The following STAB2 variants were observed in gnomAD, a reference collection of about 807,000 sequenced individuals.
STAB2 encodes stabilin-2.
In STAB2, 288 loss-of-function variants were observed where a neutral mutation model predicts 338.1. The ratio of observed to expected loss-of-function variants is 0.85; its 90% CI spans 0.77 to 0.94. STAB2 has a LOEUF of 0.94. Ranked by LOEUF, STAB2 falls within the 40% of genes least tolerant of loss-of-function variation. The probability of loss-of-function intolerance (pLI) is 0.00; values close to 1 mark genes in which losing one functional copy is unlikely to be tolerated. For missense variants in STAB2, 3,141 were observed against 3,210.1 expected, an observed-to-expected ratio of 0.98 and a Z score of 0.52; for synonymous variants, 1,202 against 1,193.3, an observed-to-expected ratio of 1.01 and a Z score of -0.15.
At chr12:103,640,790 A>G (rs1380257112) in intron 9 of STAB2, among the ~76,000 whole-genome samples, 1 of 152,160 alleles carries the variant, frequency 6.6e-6, no homozygotes, top group East Asian at 1.9e-4. Flanking sequence ...ATTTGGACTA[A>G]AGATCTAGGT....
At chr12:103,593,920 C>T (rs1956836759) in intron 2 of STAB2, among the ~76,000 whole-genome samples, 1 of 152,210 alleles carries the variant, frequency 6.6e-6, no homozygotes. Flanking sequence ...GGGAAATGTT[C>T]CTTGCTGCAT....
At chr12:103,594,725 C>A (rs1293895160) in intron 3 of STAB2, among the ~76,000 whole-genome samples, 3 of 152,086 alleles carry the variant, frequency 2.0e-5, no homozygotes, top group Admixed American at 6.6e-5. Flanking sequence ...AAAAGAATTC[C>A]CTTATAAGCC....
At chr12:103,587,642 TAA>T in intron 1 of STAB2, 85 bp downstream of exon 1, 1 of 1,114,464 alleles carries the variant, frequency 9.0e-7, no homozygotes, top group Non-Finnish European at 1.3e-6. Flanking sequence ...TTGTTATGGG[TAA>T]AGGGTGAAAT....
chr12:103,615,443 C>T (rs370961099), intron 3 of STAB2, among the ~76,000 whole-genome samples: 2 of 152,160 alleles, frequency 1.3e-5, no homozygotes, highest in African/African-American at 4.8e-5. Flanking sequence ...AAATCACCCA[C>T]AGAGGAAGCC....
intron 61 of STAB2, 33 bp from the exon 62 acceptor site, chr12:103,755,269 A>G (rs1470692427): frequency 1.2e-6 from 2 of 1,606,978 alleles, no homozygotes; most frequent in East Asian, 4.5e-5. Flanking sequence ...ATGAACTTGC[A>G]GCTGACCCAT....
intron 33 of STAB2, among the ~76,000 whole-genome samples, chr12:103,697,993 A>G (rs1340797798): frequency 6.6e-6 from 1 of 152,150 alleles, no homozygotes; most frequent in Non-Finnish European, 1.5e-5. Context: ...TTATGAGCGG[A>G]GAGGGCAGGA....
At chr12:103,707,012 G>A (rs376127120) in intron 38 of STAB2, 25 bp downstream of exon 38, 13 of 1,609,364 alleles carry the variant, frequency 8.1e-6, no homozygotes, top group Non-Finnish European at 1.1e-5. Flanking sequence ...CTCCACAGAG[G>A]ATCTTGGGCT....
Position 103,713,746 on chromosome 12 carries a change from G to A in STAB2, c.4515G>A (p.Thr1505=), listed in dbSNP as rs764027372. 6.8e-6 allele frequency: 11 copies of A among 1,613,922 alleles called. No homozygotes were observed. Among genetic ancestry groups the A allele is most frequent in the African/African-American group, 1.3e-5 (1 of 75,040 alleles). ...RRVCTCKAGY[T]GDGIVCLEIN... is the part of the protein sequence containing the mutation. ...TGTGCACGTGCAAAGCAGGCTACACGGGTGATGGCATTGTGTGCCTGGGTA... is the reference window on the plus strand; with the variant it reads ...TGTGCACGTGCAAAGCAGGCTACACAGGTGATGGCATTGTGTGCCTGGGTA... Residue 1505 remains threonine, a synonymous_variant, in exon 42 of 69, where the codon ACG becomes ACA. Coordinates refer to ENST00000388887, the MANE Select transcript of STAB2 (RefSeq NM_017564.10).
At chr12:103,743,902 G>A (rs1284519272) in intron 56 of STAB2, among the ~76,000 whole-genome samples, 1 of 152,134 alleles carries the variant, frequency 6.6e-6, no homozygotes, top group African/African-American at 2.4e-5. Context: ...GATCTTCTTG[G>A]CCAATGAAAA....
At chr12:103,661,236 A>AAGAG (rs1274925454) in intron 17 of STAB2, among the ~76,000 whole-genome samples, 1 of 138,674 alleles carries the variant, frequency 7.2e-6, no homozygotes, top group African/African-American at 2.6e-5. Flanking sequence ...AAAAAAAAAA[A>AAGAG]AGAGAGAGAG....
At chr12:103,729,070 C>A in intron 48 of STAB2, 75 bp downstream of exon 48, 1 of 1,441,036 alleles carries the variant, frequency 6.9e-7, no homozygotes, top group Non-Finnish European at 9.7e-7. Flanking sequence ...GAGCTGGAGG[C>A]CATCATCCTC....
intron 51 of STAB2, 72 bp from the exon 52 acceptor site, chr12:103,735,419 G>C: frequency 3.5e-6 from 4 of 1,159,188 alleles, no homozygotes; most frequent in Non-Finnish European, 3.6e-6. Flanking sequence ...TGGTTTTTTG[G>C]TAAAGCTCCT....
At chr12:103,612,159 T>G (rs528186541) in intron 3 of STAB2, among the ~76,000 whole-genome samples, 23 of 152,342 alleles carry the variant, frequency 1.5e-4, no homozygotes, top group African/African-American at 5.1e-4. Flanking sequence ...GACAATTATG[T>G]GTCTTGGAGT....
chr12:103,655,392 C>A (rs79734520), intron 14 of STAB2, 64 bp from the exon 15 acceptor site: 31 of 1,601,336 alleles, frequency 1.9e-5, no homozygotes, highest in Admixed American at 1.6e-4. Context: ...AAATTTCTGG[C>A]GAATTATGTT....
chr12:103,710,013 C>T (rs1404076720), intron 39 of STAB2, among the ~76,000 whole-genome samples: 1 of 152,176 alleles, frequency 6.6e-6, no homozygotes, highest in East Asian at 1.9e-4. Flanking sequence ...CATGTCTCCA[C>T]ATCTCTCAAT....
intron 5 of STAB2, among the ~76,000 whole-genome samples, chr12:103,624,977 G>A (rs181067787): frequency 3.3e-5 from 5 of 150,388 alleles, no homozygotes; most frequent in Admixed American, 6.6e-5. Context: ...TTGGTGTCCC[G>A]TGTGTTTTTA....
In STAB2 at chr12:103,652,572, T is replaced by C. The variant is rs574574775; in HGVS notation, c.1274T>C (p.Val425Ala). The C allele has an allele frequency of 2.0e-4, 316 of 1,585,740 alleles. 5 individuals are homozygous for C. In the South Asian group the frequency reaches 3.6e-3, roughly 18 times the overall value. ...CTCTCTTAGGTAAATGAGCTTTTGG[T>C]GGATAATAAAGCTGCTCAATACTTT... ...LKGFNVNELL[V>A]DNKAAQYFVK... The change falls in exon 12 of 69, where the codon GTG (valine) becomes GCG (alanine). Residue 425 changes from valine (V) to alanine (A), a missense_variant. Coordinates refer to ENST00000388887, the MANE Select transcript of STAB2 (RefSeq NM_017564.10).
intron 25 of STAB2, among the ~76,000 whole-genome samples, chr12:103,679,362 CTG>C (rs1267619820): frequency 6.6e-6 from 1 of 151,118 alleles, no homozygotes; most frequent in African/African-American, 2.4e-5. Context: ...GAGCAAAACT[CTG>C]TATCAAAAAA....
chr12:103,735,827 G>A (rs1311421723), intron 52 of STAB2, among the ~76,000 whole-genome samples: 1 of 152,190 alleles, frequency 6.6e-6, no homozygotes, highest in Non-Finnish European at 1.5e-5. Context: ...ACTGTGGAGA[G>A]CAGCTTCCAG....
Sources: allele counts gnomAD v4.1 joint callset (sites outside exome capture counted in the v4.1 genomes callset), GRCh38; gene constraint gnomAD v4.1.1; transcripts MANE v1.5; gene names NCBI Gene and HGNC (gene_info 2026-07-23, HGNC 2026-07-21).